The following SLC30A8 variants were observed in gnomAD, a reference collection of about 807,000 sequenced individuals.
The protein encoded by SLC30A8 is solute carrier family 30 member 8.
In SLC30A8, 27 loss-of-function variants were observed where a neutral mutation model predicts 36.9. That is an observed-to-expected ratio of 0.73 (90% CI 0.54 to 1.01). The LOEUF (loss-of-function observed/expected upper bound fraction) is 1.01, where lower values mean the gene tolerates loss of function less well. Ranked by LOEUF, SLC30A8 falls within the 50% of genes least tolerant of loss-of-function variation. SLC30A8 has a pLI of 0.00. For synonymous variants in SLC30A8, 164 were observed against 172.4 expected (o/e 0.95, Z 0.38); for missense variants, 439 against 452.0 (o/e 0.97, Z 0.26).
intron 1 of SLC30A8, among the ~76,000 whole-genome samples, chr8:117,146,598 T>A (rs950044044): frequency 1.5e-5 from 2 of 136,236 alleles, no homozygotes; most frequent in African/African-American, 5.0e-5. Context: ...TTTATTATTA[T>A]TTTTTTGTAG....
chr8:116,959,150 A>G (rs1385815185), intron 1 of SLC30A8, among the ~76,000 whole-genome samples: 1 of 150,806 alleles, frequency 6.6e-6, no homozygotes, highest in Non-Finnish European at 1.5e-5. Flanking sequence ...TGCCCGGCCC[A>G]CTCTTTTCAT....
intron 2 of SLC30A8, among the ~76,000 whole-genome samples, chr8:117,108,384 C>T (rs1820086304): frequency 6.6e-6 from 1 of 152,124 alleles, no homozygotes; most frequent in African/African-American, 2.4e-5. Flanking sequence ...TTCTCATATG[C>T]TAAATTCAGA....
intron 1 of SLC30A8, among the ~76,000 whole-genome samples, chr8:117,027,909 C>T (rs1481185212): frequency 2.0e-5 from 3 of 152,154 alleles, no homozygotes; most frequent in African/African-American, 7.2e-5. Flanking sequence ...GTGTGTCATT[C>T]AAGCTCTCTA....
At chr8:117,157,955 C>T (rs754411977) in intron 4 of SLC30A8, 111 bp downstream of exon 4, 74 of 1,231,204 alleles carry the variant, frequency 6.0e-5, no homozygotes, top group Non-Finnish European at 7.3e-5. Flanking sequence ...AGAGACTGGA[C>T]AGAGTGTTTG....
At chr8:117,055,467 C>T (rs1474074755) in intron 2 of SLC30A8, among the ~76,000 whole-genome samples, 1 of 152,222 alleles carries the variant, frequency 6.6e-6, no homozygotes, top group Non-Finnish European at 1.5e-5. Context: ...CACGTATCAA[C>T]AACAGCAATC....
intron 2 of SLC30A8, among the ~76,000 whole-genome samples, chr8:117,120,223 G>T (rs1443232974): frequency 6.6e-6 from 1 of 151,764 alleles, no homozygotes; most frequent in Non-Finnish European, 1.5e-5. Flanking sequence ...AACATATTTC[G>T]TATCTGTAGT....
chr8:117,144,599 A>G (rs1821812391), intron 1 of SLC30A8, among the ~76,000 whole-genome samples: 1 of 152,214 alleles, frequency 6.6e-6, no homozygotes, highest in South Asian at 2.1e-4. Flanking sequence ...TAATTATGCT[A>G]TGATATAGCT....
At chr8:117,150,296 A>T (rs1822117460) in intron 2 of SLC30A8, among the ~76,000 whole-genome samples, 1 of 152,218 alleles carries the variant, frequency 6.6e-6, no homozygotes, top group Non-Finnish European at 1.5e-5. Context: ...ACGTTGTCAG[A>T]TAAACATTCT....
chr8:116,972,041 C>G (rs551081945), intron 1 of SLC30A8, among the ~76,000 whole-genome samples: 1 of 152,244 alleles, frequency 6.6e-6, no homozygotes, highest in South Asian at 2.1e-4. Flanking sequence ...GAAAAACTAG[C>G]TCAAGTCTTG....
intron 5 of SLC30A8, among the ~76,000 whole-genome samples, 191 bp downstream of exon 5, chr8:117,162,079 G>T (rs10505311): frequency 0.055 from 8,408 of 152,190 alleles, 626 homozygotes; most frequent in African/African-American, 0.16. Flanking sequence ...AATACCTTCA[G>T]GTTCTTGGAT....
At chr8:117,057,147 T>A (rs1039914835) in intron 2 of SLC30A8, among the ~76,000 whole-genome samples, 2 of 152,126 alleles carry the variant, frequency 1.3e-5, no homozygotes, top group African/African-American at 2.4e-5. Context: ...CGAGTGAGGG[T>A]CTGTTTCTGA....
At chr8:117,146,156 A>C (rs1482029361) in intron 1 of SLC30A8, among the ~76,000 whole-genome samples, 2 of 152,210 alleles carry the variant, frequency 1.3e-5, no homozygotes, top group Admixed American at 6.5e-5. Context: ...AGAAATATTT[A>C]AGGTGATGGA....
At chr8:117,132,404 A>G (rs1821171545), upstream of SLC30A8, among the ~76,000 whole-genome samples, 1 of 152,032 alleles carries the variant, frequency 6.6e-6, no homozygotes, top group African/African-American at 2.4e-5. Flanking sequence ...TGTGGCTGAC[A>G]GAATACTTAT....
chr8:117,083,987 C>T (rs895394191), intron 2 of SLC30A8, among the ~76,000 whole-genome samples: 1 of 152,042 alleles, frequency 6.6e-6, no homozygotes, highest in Non-Finnish European at 1.5e-5. Flanking sequence ...GCTTTGCCGC[C>T]CCAAGATAAG....
chr8:117,072,033 T>A (rs1325150314), intron 2 of SLC30A8, among the ~76,000 whole-genome samples: 1 of 152,156 alleles, frequency 6.6e-6, no homozygotes, highest in African/African-American at 2.4e-5. Context: ...TCCTTCCAAT[T>A]GGTTTTGGTT....
intron 2 of SLC30A8, among the ~76,000 whole-genome samples, chr8:117,150,987 A>G (rs1822157804): frequency 6.6e-6 from 1 of 152,126 alleles, no homozygotes; most frequent in Non-Finnish European, 1.5e-5. Flanking sequence ...CCATAGAATC[A>G]CATTCAAACC....
At chr8:117,145,514 G>C (rs1027014345) in intron 1 of SLC30A8, among the ~76,000 whole-genome samples, 18 of 152,046 alleles carry the variant, frequency 1.2e-4, no homozygotes, top group Non-Finnish European at 5.9e-5. Context: ...ATGAAATGAA[G>C]TGAAAGCTAA....
At chr8:117,163,680 AT>A in intron 6 of SLC30A8, 150 bp downstream of exon 6, 4 of 612,802 alleles carry the variant, frequency 6.5e-6, no homozygotes, top group South Asian at 2.4e-5. Context: ...CAATCATTTG[AT>A]TTTTTTTCCT....
At chr8:116,961,994 C>G (rs1320379047) in intron 1 of SLC30A8, among the ~76,000 whole-genome samples, 1 of 151,976 alleles carries the variant, frequency 6.6e-6, no homozygotes, top group Non-Finnish European at 1.5e-5. Context: ...CTGGGGAACA[C>G]ATTCAAATCA....
Sources: gnomAD v4.1 joint callset for allele counts (sites outside exome capture counted in the v4.1 genomes callset) on GRCh38, gnomAD v4.1.1 for gene constraint, MANE v1.5 for transcripts, NCBI Gene and HGNC (gene_info 2026-07-23, HGNC 2026-07-21) for gene names.